Variants in FMN1 observed in about 807,000 individuals in gnomAD.
The protein encoded by FMN1 is formin-1.
A neutral mutation model predicts 132.4 loss-of-function variants in FMN1; 110 were observed. That is an observed-to-expected ratio of 0.83 (90% CI 0.71 to 0.97). The LOEUF (loss-of-function observed/expected upper bound fraction) is 0.97, where lower values mean the gene tolerates loss of function less well. Among genes scored for constraint, FMN1 ranks in the 50% least tolerant of loss-of-function variants. The probability of loss-of-function intolerance (pLI) is 0.00; values close to 1 mark genes in which losing one functional copy is unlikely to be tolerated. For synonymous variants in FMN1, 722 were observed against 651.7 expected, an observed-to-expected ratio of 1.11 and a Z score of -1.64; for missense variants, 1,792 against 1,705.3, an observed-to-expected ratio of 1.05 and a Z score of -0.90.
At chr15:32,867,627 C>A (rs201872262) in intron 16 of FMN1, among the ~76,000 whole-genome samples, 1 of 152,236 alleles carries the variant, frequency 6.6e-6, no homozygotes, top group East Asian at 1.9e-4. Flanking sequence ...CTGCCTCAGC[C>A]CCCTGCCCCC....
intron 12 of FMN1, among the ~76,000 whole-genome samples, 199 bp from the exon 13 acceptor site, chr15:32,902,239 C>G (rs142370340): frequency 1.2e-3 from 186 of 152,270 alleles, no homozygotes; most frequent in African/African-American, 4.4e-3. Flanking sequence ...TAAAGGAGTT[C>G]TAGCATGATG....
At chr15:33,032,183 G>A (rs927994941) in intron 6 of FMN1, among the ~76,000 whole-genome samples, 1 of 152,168 alleles carries the variant, frequency 6.6e-6, no homozygotes. Context: ...TCATTAGTTA[G>A]GAAAGAGAAA....
intron 6 of FMN1, among the ~76,000 whole-genome samples, chr15:33,027,534 G>A (rs968881696): frequency 2.0e-5 from 3 of 152,134 alleles, no homozygotes; most frequent in Admixed American, 6.5e-5. Flanking sequence ...CTAGAATCAC[G>A]GACAGCCAGA....
chr15:32,911,518 G>A (rs77979130), intron 10 of FMN1, among the ~76,000 whole-genome samples: 9,674 of 152,130 alleles, frequency 0.064, 445 homozygotes, highest in Middle Eastern at 0.15. Context: ...TTTTTGGGAA[G>A]GTGGGGACCA....
intron 6 of FMN1, among the ~76,000 whole-genome samples, chr15:33,041,612 G>A (rs2036443823): frequency 1.3e-5 from 2 of 151,986 alleles, no homozygotes; most frequent in Middle Eastern, 3.4e-3. Flanking sequence ...ATAAGCAAAT[G>A]AAAAGATGCT....
chr15:33,146,903 C>T (rs917979797), intron 4 of FMN1, among the ~76,000 whole-genome samples: 3 of 151,960 alleles, frequency 2.0e-5, no homozygotes, highest in Non-Finnish European at 2.9e-5. Context: ...CAAAACAGGC[C>T]GTGGCTCACC....
intron 17 of FMN1, among the ~76,000 whole-genome samples, chr15:32,844,823 A>G (rs2058821491): frequency 6.6e-6 from 1 of 152,230 alleles, no homozygotes; most frequent in African/African-American, 2.4e-5. Context: ...GAAGCATCTG[A>G]TAAGATTTGA....
chr15:32,877,653 A>C (rs2141415321), intron 16 of FMN1, among the ~76,000 whole-genome samples: 1 of 152,308 alleles, frequency 6.6e-6, no homozygotes, highest in South Asian at 2.1e-4. Context: ...ACCCACCCAC[A>C]TAATACAATC....
intron 6 of FMN1, among the ~76,000 whole-genome samples, chr15:33,031,356 C>T (rs1018272141): frequency 6.6e-6 from 1 of 152,158 alleles, no homozygotes; most frequent in Non-Finnish European, 1.5e-5. Context: ...CCTGAGAGCA[C>T]AAACTTCACA....
At chr15:32,953,844 G>A (rs1257793802) in intron 9 of FMN1, among the ~76,000 whole-genome samples, 2 of 152,156 alleles carry the variant, frequency 1.3e-5, no homozygotes, top group South Asian at 2.1e-4. Context: ...GGAACATTGT[G>A]GTTTGAGTCT....
chr15:33,133,778 A>G (rs1329534507), intron 4 of FMN1, among the ~76,000 whole-genome samples: 4 of 152,202 alleles, frequency 2.6e-5, no homozygotes, highest in African/African-American at 9.6e-5. Context: ...CTATTTGCTC[A>G]GAGTTCAGAA....
intron 15 of FMN1, among the ~76,000 whole-genome samples, chr15:32,895,579 A>C (rs938736122): frequency 6.6e-6 from 1 of 152,110 alleles, no homozygotes; most frequent in African/African-American, 2.4e-5. Context: ...TAGAGACCTT[A>C]AACAGAGAAT....
At chr15:32,947,692 A>C (rs2061539094) in intron 9 of FMN1, among the ~76,000 whole-genome samples, 1 of 152,062 alleles carries the variant, frequency 6.6e-6, no homozygotes. Context: ...GCTTTCAATA[A>C]AGTTGAATAA....
At chr15:32,787,635 G>C (rs1212342906) in intron 19 of FMN1, among the ~76,000 whole-genome samples, 3 of 152,164 alleles carry the variant, frequency 2.0e-5, no homozygotes, top group Non-Finnish European at 4.4e-5. Flanking sequence ...ACTGCTTGAG[G>C]CTAGGAGTTC....
chr15:32,920,852 A>T (rs2060803193), intron 10 of FMN1, among the ~76,000 whole-genome samples: 1 of 152,202 alleles, frequency 6.6e-6, no homozygotes. Context: ...TCTCTTCTCT[A>T]CATTTCTATA....
chr15:32,824,535 G>A (rs1168786282), intron 17 of FMN1, among the ~76,000 whole-genome samples: 1 of 152,040 alleles, frequency 6.6e-6, no homozygotes, highest in Non-Finnish European at 1.5e-5. Flanking sequence ...CTCTGTTCCC[G>A]CCACTGGCTC....
intron 19 of FMN1, among the ~76,000 whole-genome samples, chr15:32,791,481 T>C (rs1157291137): frequency 6.6e-6 from 1 of 152,040 alleles, no homozygotes; most frequent in African/African-American, 2.4e-5. Flanking sequence ...AACCACAGAA[T>C]ATGTTTAAAG....
chr15:32,890,815 A>G (rs1346016943), intron 15 of FMN1, among the ~76,000 whole-genome samples: 1 of 152,294 alleles, frequency 6.6e-6, no homozygotes, highest in East Asian at 1.9e-4. Context: ...ATCCTTGCCT[A>G]AGCCAACATC....
chr15:33,019,179 G>A (rs1039592820), intron 6 of FMN1, among the ~76,000 whole-genome samples: 2 of 152,252 alleles, frequency 1.3e-5, no homozygotes, highest in South Asian at 2.1e-4. Context: ...TTTTGACAGG[G>A]TGCTGATTGG....
Sources: gnomAD v4.1 joint callset for allele counts (sites outside exome capture counted in the v4.1 genomes callset) on GRCh38, gnomAD v4.1.1 for gene constraint, MANE v1.5 for transcripts, NCBI Gene and HGNC (gene_info 2026-07-23, HGNC 2026-07-21) for gene names.